The following EPHA6 variants were observed in gnomAD, a reference collection of about 807,000 sequenced individuals.
EPHA6 encodes ephrin type-A receptor 6.
EPHA6 carries 50 observed loss-of-function variants against 112.0 expected under a neutral mutation model. That is an observed-to-expected ratio of 0.45 (90% CI 0.36 to 0.56). The LOEUF is 0.56. Ranked by LOEUF, EPHA6 falls within the 20% of genes least tolerant of loss-of-function variation. The pLI, the probability that EPHA6 is intolerant of heterozygous loss-of-function variation, is 0.00. For synonymous variants in EPHA6, 529 were observed against 490.7 expected, an observed-to-expected ratio of 1.08 and a Z score of -1.03; for missense variants, 1,280 against 1,417.4, an observed-to-expected ratio of 0.90 and a Z score of 1.56.
At chr3:97,709,586 G>T (rs1009584149) in intron 14 of EPHA6, among the ~76,000 whole-genome samples, 1 of 152,234 alleles carries the variant, frequency 6.6e-6, no homozygotes, top group African/African-American at 2.4e-5. Context: ...TATTGGGAAG[G>T]CATGGTTGCT....
chr3:97,120,242 C>T (rs755123080), intron 3 of EPHA6, among the ~76,000 whole-genome samples: 1 of 151,606 alleles, frequency 6.6e-6, no homozygotes, highest in Non-Finnish European at 1.5e-5. Context: ...GTGTACATAC[C>T]CTATTTCAAA....
At chr3:97,654,000 G>T (rs1259979280) in intron 14 of EPHA6, among the ~76,000 whole-genome samples, 1 of 151,918 alleles carries the variant, frequency 6.6e-6, no homozygotes, top group African/African-American at 2.4e-5. Context: ...GAAATGGGAA[G>T]ATGTTGGCCA....
intron 2 of EPHA6, among the ~76,000 whole-genome samples, chr3:96,955,675 T>G (rs1009793314): frequency 1.3e-5 from 2 of 152,198 alleles, no homozygotes; most frequent in African/African-American, 4.8e-5. Context: ...GTTGGTACTG[T>G]TTATTGAATG....
At chr3:97,117,653 G>A (rs540409489) in intron 3 of EPHA6, among the ~76,000 whole-genome samples, 40 of 151,640 alleles carry the variant, frequency 2.6e-4, no homozygotes, top group East Asian at 5.8e-4. Flanking sequence ...TTCTGAGCTC[G>A]CTGTTGTGTT....
intron 10 of EPHA6, among the ~76,000 whole-genome samples, chr3:97,517,812 A>G (rs960822468): frequency 6.6e-6 from 1 of 152,002 alleles, no homozygotes; most frequent in Admixed American, 6.6e-5. Flanking sequence ...TATTAGTTCA[A>G]TATTTTTAAA....
intron 7 of EPHA6, among the ~76,000 whole-genome samples, chr3:97,455,660 A>T (rs528622359): frequency 2.0e-5 from 3 of 152,026 alleles, no homozygotes; most frequent in East Asian, 3.9e-4. Flanking sequence ...ATCTCAGTGC[A>T]TCAAGTTCAC....
intron 16 of EPHA6, among the ~76,000 whole-genome samples, chr3:97,736,376 C>G (rs2035252598): frequency 8.6e-5 from 13 of 150,814 alleles, no homozygotes; most frequent in Admixed American, 8.6e-4. Flanking sequence ...TTGTTTTTAT[C>G]TTTTCCTGTT....
chr3:96,893,004 G>A lies in EPHA6; in HGVS notation c.450+26115G>A, dbSNP rs549228625. On this transcript the variant is annotated intron_variant, in intron 2 of 17. Coordinates refer to ENST00000389672, the MANE Select transcript of EPHA6 (RefSeq NM_001080448.3). ...TGTTCGTGTGTGTGTGTGTGCGCGC[G>A]CAAAGTCATGTGCCACAAAACCACA... is the stretch of plus-strand genomic sequence containing the variant. 1.3e-4 allele frequency among the ~76,000 whole-genome samples: 20 copies of A among 151,216 alleles called. No homozygotes were observed. In the South Asian group the frequency reaches 1.5e-3, roughly 11 times the overall value.
chr3:97,715,569 C>G (rs2034180095), intron 14 of EPHA6, among the ~76,000 whole-genome samples: 1 of 152,240 alleles, frequency 6.6e-6, no homozygotes, highest in East Asian at 1.9e-4. Flanking sequence ...AAATGAGAAA[C>G]AGAGAGAGAC....
chr3:97,483,611 C>A (rs1419915233), intron 9 of EPHA6, among the ~76,000 whole-genome samples: 1 of 152,180 alleles, frequency 6.6e-6, no homozygotes, highest in East Asian at 1.9e-4. Context: ...ATTCCCCAAG[C>A]TAGAGCAGAT....
chr3:97,497,971 C>A (rs761720693), intron 10 of EPHA6, among the ~76,000 whole-genome samples: 1 of 152,020 alleles, frequency 6.6e-6, no homozygotes, highest in Non-Finnish European at 1.5e-5. Flanking sequence ...AACAAGGCAA[C>A]AGAACAAGTC....
Sources: allele counts gnomAD v4.1 joint callset (sites outside exome capture counted in the v4.1 genomes callset), GRCh38; gene constraint gnomAD v4.1.1; transcripts MANE v1.5; gene names NCBI Gene and HGNC (gene_info 2026-07-23, HGNC 2026-07-21).